The following TCF24 variants were observed in gnomAD, a reference collection of about 807,000 sequenced individuals.
TCF24 encodes transcription factor 24.
Under a neutral mutation model 9.3 loss-of-function variants are expected in TCF24, and 5 were observed. That is an observed-to-expected ratio of 0.54 (90% CI 0.28 to 1.13). The LOEUF (loss-of-function observed/expected upper bound fraction) is 1.13, where lower values mean the gene tolerates loss of function less well. TCF24 is among the 50% of genes most tolerant of loss of function. The pLI, the probability that TCF24 is intolerant of heterozygous loss-of-function variation, is 0.09. For missense variants in TCF24, 220 were observed against 236.1 expected (o/e 0.93, Z 0.45); for synonymous variants, 110 against 115.8 (o/e 0.95, Z 0.32).
At chr8:66,962,019 T>C (rs1302595871) in intron 1 of TCF24, 32 bp from the exon 2 acceptor site, 1 of 168,990 alleles carries the variant, frequency 5.9e-6, no homozygotes, top group African/African-American at 2.4e-5. Flanking sequence ...CAGTGCCGGC[T>C]TTGCTTTTCA....
At chr8:66,958,661 AAAC>A (rs1043917182) in intron 3 of TCF24, among the ~76,000 whole-genome samples, 2 of 152,190 alleles carry the variant, frequency 1.3e-5, no homozygotes, top group Non-Finnish European at 2.9e-5. Context: ...ACTCCATCTC[AAAC>A]AACAACAACA....
At position 66,948,256 on chromosome 8, in the gene TCF24, A is replaced by G. The variant is rs1813994029; in HGVS notation, c.391-92T>C. On this transcript the variant is annotated intron_variant, in intron 3 of 3. Coordinates refer to ENST00000563496, the MANE Select transcript of TCF24 (RefSeq NM_001193502.2). ...AATGTTAAAGATTGTAAATAGCCCAATGCAAATGCAATATTATGTAGCTAA... is the reference window on the plus strand; with the variant it reads ...AATGTTAAAGATTGTAAATAGCCCAGTGCAAATGCAATATTATGTAGCTAA... The G allele has an allele frequency of 1.4e-5, 10 of 734,672 alleles. No individual in the cohort carries two copies. The East Asian group carries it at 2.9e-4, about 21-fold the overall frequency. 45.5% of individuals were successfully genotyped at this position (734,672 alleles called of 1,614,324 possible). A position where few individuals can be genotyped will look rare whatever the true frequency, so the allele number is the denominator to read the frequency against.
At chr8:66,961,256 G>C in intron 3 of TCF24, 120 bp downstream of exon 3, 23 of 1,261,912 alleles carry the variant, frequency 1.8e-5, no homozygotes, top group Non-Finnish European at 1.9e-5. Context: ...TCGTTCTCCC[G>C]GTCGGCTTCC....
At chr8:66,957,417 CAAAA>C (rs60795431) in intron 3 of TCF24, among the ~76,000 whole-genome samples, 5 of 108,508 alleles carry the variant, frequency 4.6e-5, no homozygotes, top group Admixed American at 9.8e-5. Context: ...AACTCCATAT[CAAAA>C]AAAAAAAAAA....
intron 3 of TCF24, among the ~76,000 whole-genome samples, chr8:66,955,668 T>C (rs924900729): frequency 1.3e-5 from 2 of 152,186 alleles, no homozygotes; most frequent in African/African-American, 4.8e-5. Flanking sequence ...TAAATACTGA[T>C]GGCAAAGTCA....
At chr8:66,951,764 C>A (rs1367027303) in intron 3 of TCF24, among the ~76,000 whole-genome samples, 10 of 152,214 alleles carry the variant, frequency 6.6e-5, no homozygotes, top group African/African-American at 9.6e-5. Context: ...TATTGCCACA[C>A]TTTCAGCTCC....
intron 3 of TCF24, among the ~76,000 whole-genome samples, chr8:66,958,844 G>A (rs16933115): frequency 1.2e-3 from 184 of 152,224 alleles, no homozygotes; most frequent in African/African-American, 4.0e-3. Flanking sequence ...GTTTCTTAGC[G>A]AATCACTGCC....
rs987869394 is a variant in TCF24 at position 66,948,121 on chromosome 8, T to C, written c.434A>G (p.Gln145Arg). 48 of 1,535,082 alleles carry C rather than the reference T, an allele frequency of 3.1e-5. No homozygotes were observed. Among genetic ancestry groups the C allele is most frequent in the Non-Finnish European group, 3.9e-5 (45 of 1,146,660 alleles). ...TCCAGAAACAGAATGCTTCAGAAACTGACCAGTAGCACCGATGTACAATCT... is the reference window on the plus strand; with the variant it reads ...TCCAGAAACAGAATGCTTCAGAAACCGACCAGTAGCACCGATGTACAATCT... ...RSRLYIGATGQFLKHSVSGEK... is the reference protein window; with the variant it reads ...RSRLYIGATGRFLKHSVSGEK... Residue 145 changes from glutamine (Q) to arginine (R), a missense_variant, in exon 4 of 4, where the codon CAG becomes CGG. Coordinates refer to ENST00000563496, the MANE Select transcript of TCF24 (RefSeq NM_001193502.2).
intron 3 of TCF24, among the ~76,000 whole-genome samples, chr8:66,948,814 G>C (rs1407070506): frequency 6.6e-6 from 1 of 152,072 alleles, no homozygotes; most frequent in Non-Finnish European, 1.5e-5. Flanking sequence ...TCCTGCCTCA[G>C]CCTCCTGAGT....
intron 3 of TCF24, among the ~76,000 whole-genome samples, chr8:66,948,720 G>A (rs950175968): frequency 1.4e-5 from 2 of 144,822 alleles, no homozygotes; most frequent in Non-Finnish European, 3.1e-5. Context: ...TTTTGAGACG[G>A]AGTCTCGCTC....
At position 66,946,911 on chromosome 8, in the gene TCF24, G is replaced by GC. The variant is rs1813972817; in HGVS notation, c.*1139_*1140insG. 4 of 152,106 alleles carry GC rather than the reference G, an allele frequency of 2.6e-5. No individual in the cohort carries two copies. The highest frequency in any genetic ancestry group is 6.6e-5 in the Admixed American group (1 of 15,262). 9.4% of individuals were successfully genotyped at this position (152,106 alleles called of 1,614,324 possible). On this transcript the variant is annotated 3_prime_UTR_variant, in exon 4 of 4. Transcript: ENST00000563496. Reference sequence around the variant, plus strand: ...TCTGAAATTCTTGCTGTTAAATTTAGTGTTTACAATTCAGTTTGAGGTAAC... The same window carrying GC: ...TCTGAAATTCTTGCTGTTAAATTTAGCTGTTTACAATTCAGTTTGAGGTAAC...
chr8:66,961,459 G>A lies in TCF24; in HGVS notation c.307C>T (p.Arg103Cys). The A allele has an allele frequency of 2.0e-6, 3 of 1,528,506 alleles. No individual in the cohort carries two copies. Among genetic ancestry groups the A allele is most frequent in the Non-Finnish European group, 2.6e-6 (3 of 1,144,186 alleles). 94.7% of individuals were successfully genotyped at this position (1,528,506 alleles called of 1,614,324 possible). The change falls in exon 3 of 4, where the codon CGC (arginine) becomes TGC (cysteine). Residue 103 changes from arginine to cysteine, a missense_variant. By Grantham distance (180) the Arg-to-Cys change is radical. Transcript: ENST00000563496. ...LATTYIAHLT[R>C]SLQDDAEAPA... ...GCCTCGGCGTCGTCCTGCAGGCTGC[G>A]GGTGAGATGCGCGATGTAGGTGGTG...
In TCF24 at chr8:66,948,007, A is replaced by G; in HGVS notation, c.*44T>C. On this transcript the variant is annotated 3_prime_UTR_variant, in exon 4 of 4. Transcript: ENST00000563496. Reference sequence around the variant, plus strand: ...ATATAGAATTATGTCATAGTATTTAAAAACAATAGCCACCACTTCTACCAG... The same window carrying G: ...ATATAGAATTATGTCATAGTATTTAGAAACAATAGCCACCACTTCTACCAG... 2 of 1,375,558 alleles carry G rather than the reference A, an allele frequency of 1.5e-6. No individual in the cohort carries two copies. The highest frequency in any genetic ancestry group is 1.9e-6 in the Non-Finnish European group (2 of 1,033,060). 85.2% of individuals were successfully genotyped at this position (1,375,558 alleles called of 1,614,324 possible).
At chr8:66,953,256 G>C (rs1156305929) in intron 3 of TCF24, among the ~76,000 whole-genome samples, 1 of 151,946 alleles carries the variant, frequency 6.6e-6, no homozygotes, top group Non-Finnish European at 1.5e-5. Context: ...TCCATGTTTA[G>C]CGCTTCCTTC....
Position 66,950,803 on chromosome 8 carries a change from T to A in TCF24, c.391-2639A>T, listed in dbSNP as rs1159163805. On this transcript the variant is annotated intron_variant, in intron 3 of 3. Coordinates refer to ENST00000563496, the MANE Select transcript of TCF24 (RefSeq NM_001193502.2). ...TTGTAGTTCTCCTTGAAGAGGTCCT[T>A]CACATCCCTTGTAAGTTGGATTCCT... Among the ~76,000 whole-genome samples the A allele has an allele frequency of 3.3e-5, 5 of 150,142 alleles. No individual in the cohort carries two copies. The East Asian group carries it at 9.8e-4, about 29-fold the overall frequency.
chr8:66,962,174 C>G (rs1245006301), intron 1 of TCF24, among the ~76,000 whole-genome samples, 155 bp downstream of exon 1: 1 of 152,258 alleles, frequency 6.6e-6, no homozygotes, highest in Non-Finnish European at 1.5e-5. Flanking sequence ...GCCGACGCCG[C>G]GGAAAACCAC....
intron 3 of TCF24, among the ~76,000 whole-genome samples, chr8:66,954,802 C>T (rs990211241): frequency 5.9e-5 from 9 of 152,260 alleles, no homozygotes; most frequent in African/African-American, 1.2e-4. Flanking sequence ...CGTGGTGTGC[C>T]GTTTTTTAAG....
At chr8:66,959,521 C>G (rs920638924) in intron 3 of TCF24, among the ~76,000 whole-genome samples, 1 of 152,280 alleles carries the variant, frequency 6.6e-6, no homozygotes, top group South Asian at 2.1e-4. Flanking sequence ...TCTGAACTTC[C>G]GTAGCACATA....
In TCF24 at chr8:66,947,935, G is replaced by T. The variant is rs936538900; in HGVS notation, c.*116C>A. On this transcript the variant is annotated 3_prime_UTR_variant, in exon 4 of 4. Transcript: ENST00000563496. Reference sequence around the variant, plus strand: ...AGATAAACCTGAACATCCAACTATGGGTTCACATGTAAACTTTCAGAAATT... The same window carrying T: ...AGATAAACCTGAACATCCAACTATGTGTTCACATGTAAACTTTCAGAAATT... 2.7e-5 allele frequency: 18 copies of T among 662,630 alleles called. No homozygotes were observed. Among genetic ancestry groups the T allele is most frequent in the Non-Finnish European group, 4.3e-5 (18 of 414,056 alleles). The allele number at this position is 662,630 out of a possible 1,614,324, so 41.0% of individuals were successfully genotyped here. A position where few individuals can be genotyped will look rare whatever the true frequency, so the allele number is the denominator to read the frequency against.
Sources: gnomAD v4.1 joint callset for allele counts (sites outside exome capture counted in the v4.1 genomes callset) on GRCh38, gnomAD v4.1.1 for gene constraint, MANE v1.5 for transcripts, NCBI Gene and HGNC (gene_info 2026-07-23, HGNC 2026-07-21) for gene names.